The following PPP1R16B variants were observed in gnomAD, a reference collection of about 807,000 sequenced individuals.
PPP1R16B encodes the protein protein phosphatase 1 regulatory inhibitor subunit 16B.
Under a neutral mutation model 61.7 loss-of-function variants are expected in PPP1R16B, and 14 were observed. That is an observed-to-expected ratio of 0.23 (90% CI 0.15 to 0.35). The LOEUF is 0.35. Among genes scored for constraint, PPP1R16B ranks in the 10% least tolerant of loss-of-function variants. The pLI, the probability that PPP1R16B is intolerant of heterozygous loss-of-function variation, is 1.00. For synonymous variants in PPP1R16B, 266 were observed against 305.3 expected, an observed-to-expected ratio of 0.87 and a Z score of 1.34; for missense variants, 547 against 752.5, an observed-to-expected ratio of 0.73 and a Z score of 3.19.
chr20:38,852,691 G>A (rs1284157409), intron 2 of PPP1R16B, among the ~76,000 whole-genome samples: 1 of 145,154 alleles, frequency 6.9e-6, no homozygotes, highest in African/African-American at 2.5e-5. Context: ...TGAGAAGATA[G>A]ATGAGGCATT....
At chr20:38,820,671 G>A (rs1424229575) in intron 1 of PPP1R16B, among the ~76,000 whole-genome samples, 1 of 151,992 alleles carries the variant, frequency 6.6e-6, no homozygotes, top group African/African-American at 2.4e-5. Flanking sequence ...TTAAAAAGTG[G>A]TTGTACCAAT....
chr20:38,912,662 G>C (rs2085501986), intron 10 of PPP1R16B, among the ~76,000 whole-genome samples: 1 of 151,872 alleles, frequency 6.6e-6, no homozygotes, highest in African/African-American at 2.4e-5. Flanking sequence ...GTGACAGAGT[G>C]AGGCGTGGTC....
At chr20:38,917,227 C>T (rs2085549268) in intron 10 of PPP1R16B, among the ~76,000 whole-genome samples, 1 of 149,622 alleles carries the variant, frequency 6.7e-6, no homozygotes. Context: ...ACCCGGGAGG[C>T]AGAGGTTGCG....
In PPP1R16B at chr20:38,920,556, G is replaced by A. The variant is rs967656596; in HGVS notation, c.*1890G>A. The A allele has an allele frequency of 1.3e-5, 2 of 153,090 alleles. No homozygotes were observed. The highest frequency in any genetic ancestry group is 4.8e-5 in the African/African-American group (2 of 41,458). 9.5% of individuals were successfully genotyped at this position (153,090 alleles called of 1,614,324 possible). ...CCCATAGCCCCATAACCCAGAGAGG[G>A]AGCTGGACTTCAGGGAGCCTGAGTG... On this transcript the variant is annotated 3_prime_UTR_variant, in exon 11 of 11. Transcript: ENST00000299824.
chr20:38,876,781 T>A (rs2085170868), intron 2 of PPP1R16B, among the ~76,000 whole-genome samples: 1 of 152,248 alleles, frequency 6.6e-6, no homozygotes, highest in Non-Finnish European at 1.5e-5. Context: ...TTCTTACCAC[T>A]TGGCTATCAT....
At chr20:38,867,862 G>A (rs1460255559) in intron 2 of PPP1R16B, among the ~76,000 whole-genome samples, 8 of 152,094 alleles carry the variant, frequency 5.3e-5, no homozygotes, top group Non-Finnish European at 1.2e-4. Context: ...TAGTAGAGAC[G>A]GGGTTTCATC....
At chr20:38,837,207 A>G (rs1180072371) in intron 2 of PPP1R16B, among the ~76,000 whole-genome samples, 1 of 152,192 alleles carries the variant, frequency 6.6e-6, no homozygotes, top group Non-Finnish European at 1.5e-5. Context: ...ACAAGTAGAC[A>G]AGTCTCTTCC....
chr20:38,827,494 T>C (rs2084811914), intron 1 of PPP1R16B, among the ~76,000 whole-genome samples: 1 of 152,168 alleles, frequency 6.6e-6, no homozygotes, highest in South Asian at 2.1e-4. Flanking sequence ...GTCAATGGGC[T>C]TCAGGGGACA....
intron 2 of PPP1R16B, among the ~76,000 whole-genome samples, chr20:38,873,992 G>A (rs1021323315): frequency 3.3e-5 from 5 of 152,016 alleles, no homozygotes; most frequent in African/African-American, 1.2e-4. Flanking sequence ...GCCTCCCAAA[G>A]TTCTGGGATT....
intron 6 of PPP1R16B, among the ~76,000 whole-genome samples, chr20:38,904,978 A>T (rs184056114): frequency 1.9e-3 from 282 of 152,272 alleles, no homozygotes; most frequent in African/African-American, 6.5e-3. Flanking sequence ...AGTGTTCATT[A>T]TGGGCTAAGC....
At chr20:38,861,667 GTTC>G (rs1446985741) in intron 2 of PPP1R16B, among the ~76,000 whole-genome samples, 5 of 147,244 alleles carry the variant, frequency 3.4e-5, no homozygotes, top group South Asian at 2.1e-4. Context: ...GCCTGCTGCA[GTTC>G]TTCTTTTTTT....
intron 2 of PPP1R16B, among the ~76,000 whole-genome samples, chr20:38,871,105 C>T (rs1030024503): frequency 5.9e-5 from 9 of 152,148 alleles, no homozygotes; most frequent in Admixed American, 5.2e-4. Context: ...CAGCCTGGTG[C>T]CCTCCTCTCA....
At chr20:38,877,710 G>C (rs576335236) in intron 2 of PPP1R16B, among the ~76,000 whole-genome samples, 1 of 151,954 alleles carries the variant, frequency 6.6e-6, no homozygotes, top group South Asian at 2.1e-4. Context: ...CTCCTGCACC[G>C]CTAGCCCCAG....
chr20:38,873,322 T>G (rs2085142888), intron 2 of PPP1R16B, among the ~76,000 whole-genome samples: 1 of 152,158 alleles, frequency 6.6e-6, no homozygotes, highest in African/African-American at 2.4e-5. Flanking sequence ...AGGCCTGGGC[T>G]CTTCGGTTCT....
chr20:38,917,564 A>T (rs2085552577), intron 10 of PPP1R16B, among the ~76,000 whole-genome samples: 1 of 152,164 alleles, frequency 6.6e-6, no homozygotes, highest in Non-Finnish European at 1.5e-5. Flanking sequence ...TCTTTGTGAG[A>T]TATGCTTCAT....
chr20:38,824,222 T>A (rs2084790001), intron 1 of PPP1R16B, among the ~76,000 whole-genome samples: 1 of 152,226 alleles, frequency 6.6e-6, no homozygotes, highest in Admixed American at 6.5e-5. Context: ...TGGCATTCTT[T>A]GTTTCTAGGT....
chr20:38,889,120 C>T (rs921186930), intron 2 of PPP1R16B, among the ~76,000 whole-genome samples: 2 of 152,114 alleles, frequency 1.3e-5, no homozygotes, highest in African/African-American at 2.4e-5. Flanking sequence ...ACATGCTGGC[C>T]ACTGTGCTGA....
chr20:38,831,166 G>A (rs1264889957), intron 1 of PPP1R16B, among the ~76,000 whole-genome samples: 1 of 152,210 alleles, frequency 6.6e-6, no homozygotes, highest in African/African-American at 2.4e-5. Context: ...GTCTGTTCTT[G>A]GGGTGCACAC....
At chr20:38,890,875 G>A (rs2085287166) in intron 3 of PPP1R16B, among the ~76,000 whole-genome samples, 1 of 152,192 alleles carries the variant, frequency 6.6e-6, no homozygotes, top group South Asian at 2.1e-4. Flanking sequence ...GGGATGCACA[G>A]AGAATGGCCA....
Sources: gnomAD v4.1 joint callset for allele counts (sites outside exome capture counted in the v4.1 genomes callset) on GRCh38, gnomAD v4.1.1 for gene constraint, MANE v1.5 for transcripts, NCBI Gene and HGNC (gene_info 2026-07-23, HGNC 2026-07-21) for gene names.